Variants in COBLL1 observed in about 807,000 individuals in gnomAD.
The protein encoded by COBLL1 is cordon-bleu WH2 repeat protein like 1.
Under a neutral mutation model 94.8 loss-of-function variants are expected in COBLL1, and 50 were observed. That is an observed-to-expected ratio of 0.53 (90% CI 0.42 to 0.67). COBLL1 has a LOEUF of 0.67. COBLL1 is among the 30% of genes least tolerant of loss of function. COBLL1 has a pLI of 0.00. For missense variants in COBLL1, 1,362 were observed against 1,348.7 expected (o/e 1.01, Z -0.15); for synonymous variants, 448 against 473.8 (o/e 0.95, Z 0.71).
chr2:164,773,819 G>A (rs1688330686), intron 2 of COBLL1: 1 of 1,161,028 alleles, frequency 8.6e-7, no homozygotes, highest in East Asian at 6.5e-5. Context: ...TATCATGTAT[G>A]TGTAAGCGCC....
At chr2:164,812,723 A>C (rs939805006) in intron 2 of COBLL1, among the ~76,000 whole-genome samples, 3 of 152,082 alleles carry the variant, frequency 2.0e-5, no homozygotes, top group African/African-American at 7.2e-5. Context: ...AATGCCTAGC[A>C]TATATTAGAG....
intron 2 of COBLL1, among the ~76,000 whole-genome samples, chr2:164,829,679 T>C (rs1354556014): frequency 1.3e-5 from 2 of 152,108 alleles, no homozygotes; most frequent in Non-Finnish European, 1.5e-5. Flanking sequence ...AAATGAAATA[T>C]CAAATTGTAT....
At chr2:164,665,476 AAG>A (rs1691144545) in intron 2 of COBLL1, among the ~76,000 whole-genome samples, 1 of 151,986 alleles carries the variant, frequency 6.6e-6, no homozygotes, top group Non-Finnish European at 1.5e-5. Context: ...AAAAAAAAAA[AAG>A]ACATGGCATA....
intron 3 of COBLL1, among the ~76,000 whole-genome samples, chr2:164,742,923 T>C (rs1239430098): frequency 1.3e-5 from 2 of 152,106 alleles, no homozygotes; most frequent in Non-Finnish European, 2.9e-5. Context: ...ACAGGATTCC[T>C]GATAACAAAT....
chr2:164,684,633 T>G lies in COBLL1; in HGVS notation c.*1313A>C, dbSNP rs1360708903. 6.6e-6 allele frequency: 1 copy of G among 152,122 alleles called. No individual in the cohort carries two copies. Among genetic ancestry groups the G allele is most frequent in the Non-Finnish European group, 1.5e-5 (1 of 67,988 alleles). The allele number at this position is 152,122 out of a possible 1,614,324, so 9.4% of individuals were successfully genotyped here. A position where few individuals can be genotyped will look rare whatever the true frequency, so the allele number is the denominator to read the frequency against. The stretch of plus-strand genomic sequence containing the variant: ...AGAATGCCAGGGCTTAAATGTACAC[T>G]AGGGATCCCTGATAAATGGTAAATC... On this transcript the variant is annotated 3_prime_UTR_variant, in exon 14 of 14. Transcript: ENST00000652658.
Position 164,671,544 on chromosome 2 carries a change from A to G in COBLL1, n.127-5643T>C, listed in dbSNP as rs535521945. Among the ~76,000 whole-genome samples the G allele has an allele frequency of 2.0e-5, 3 of 152,340 alleles. No individual in the cohort carries two copies. The South Asian group carries it at 6.2e-4, about 32-fold the overall frequency. On this transcript the variant is annotated intron_variant and non_coding_transcript_variant, in intron 1 of 2. Coordinates refer to the COBLL1 transcript ENST00000495084. ...TGAGGTCTCTGGAAAGGTGATAACC[A>G]GTTCCATGACCCATCCCTAAGGCTC... is the stretch of plus-strand genomic sequence containing the variant.
intron 2 of COBLL1, among the ~76,000 whole-genome samples, chr2:164,749,218 A>G (rs887602188): frequency 8.5e-5 from 13 of 152,170 alleles, no homozygotes; most frequent in Admixed American, 3.3e-4. Flanking sequence ...CTCAACTCCA[A>G]TGGGCTCTCA....
intron 3 of COBLL1, among the ~76,000 whole-genome samples, chr2:164,732,784 G>A (rs970737960): frequency 4.6e-5 from 7 of 152,112 alleles, no homozygotes; most frequent in African/African-American, 1.4e-4. Context: ...GGCCGGGTGC[G>A]GTGGCTCACG....
At chr2:164,693,116 T>C (rs749797352) in intron 12 of COBLL1, among the ~76,000 whole-genome samples, 3 of 152,136 alleles carry the variant, frequency 2.0e-5, no homozygotes, top group Non-Finnish European at 2.9e-5. Context: ...TACGTATCTT[T>C]ACCAAAAAAT....
rs775300742 is a variant in COBLL1, at chr2:164,722,205, G to A, written c.866C>T (p.Ala289Val). Reference protein sequence around the residue: ...PYISNTLPSDAPKKRRAPLPP... With the variant: ...PYISNTLPSDVPKKRRAPLPP... The stretch of plus-strand genomic sequence containing the variant: ...CAGTGGAGCCCGCCTCTTCTTGGGT[G>A]CATCCGACGGCAGGGTGTTGGAAAT... Residue 289 changes from alanine (A) to valine (V), a missense_variant, in exon 7 of 14, where the codon GCA (alanine) becomes GTA (valine). Physicochemically the swap from Ala to Val is moderately conservative, Grantham distance 64. Coordinates refer to ENST00000652658, the MANE Select transcript of COBLL1 (RefSeq NM_001365672.2). 2.2e-5 allele frequency: 36 copies of A among 1,613,980 alleles called. No individual in the cohort carries two copies. Among genetic ancestry groups the A allele is most frequent in the Non-Finnish European group, 3.1e-5 (36 of 1,180,006 alleles).
rs187831208 is a variant in COBLL1, at chr2:164,775,083, C to G, written c.42-31208G>C. Among the ~76,000 whole-genome samples the G allele has an allele frequency of 1.9e-3, 291 of 151,872 alleles. 1 individual carries two copies. The highest frequency in any genetic ancestry group is 2.9e-3 in the Non-Finnish European group (199 of 67,964). On this transcript the variant is annotated intron_variant, in intron 2 of 13. Coordinates refer to ENST00000652658, the MANE Select transcript of COBLL1 (RefSeq NM_001365672.2). ...AGGTAGGAAAATTGCTTAAGCCCAG[C>G]AGTTTGAGGTTGCAGTGAGCTGAGA...
intron 7 of COBLL1, among the ~76,000 whole-genome samples, chr2:164,721,236 A>G (rs1117983): frequency 0.46 from 69,400 of 151,924 alleles, 16,088 homozygotes; most frequent in African/African-American, 0.54. Flanking sequence ...AAAACTTCTC[A>G]GTGTCTCAAT....
At chr2:164,774,865 CAAAA>C (rs34127217) in intron 2 of COBLL1, among the ~76,000 whole-genome samples, 3 of 130,194 alleles carry the variant, frequency 2.3e-5, no homozygotes, top group Admixed American at 7.9e-5. Flanking sequence ...TCACTTTTTT[CAAAA>C]AAAAAAAAAA....
At chr2:164,686,661 T>C (rs1164829769) in intron 13 of COBLL1, among the ~76,000 whole-genome samples, 2 of 152,156 alleles carry the variant, frequency 1.3e-5, no homozygotes, top group Non-Finnish European at 2.9e-5. Flanking sequence ...AGTCTTCTAT[T>C]CACAAACTAT....
chr2:164,818,715 GTATA>G (rs56878856), intron 2 of COBLL1, among the ~76,000 whole-genome samples: 7 of 146,618 alleles, frequency 4.8e-5, no homozygotes, highest in Non-Finnish European at 7.5e-5. Flanking sequence ...AACATATATA[GTATA>G]TATATATGTA....
At chr2:164,701,774 T>A (rs372725863) in intron 9 of COBLL1, among the ~76,000 whole-genome samples, 3 of 152,104 alleles carry the variant, frequency 2.0e-5, no homozygotes, top group African/African-American at 7.2e-5. Flanking sequence ...AGATTAGCCA[T>A]GGAAGTAAAT....
At chr2:164,805,695 G>C (rs1397791544) in intron 2 of COBLL1, among the ~76,000 whole-genome samples, 1 of 151,846 alleles carries the variant, frequency 6.6e-6, no homozygotes, top group Admixed American at 6.6e-5. Flanking sequence ...ATATTTCATT[G>C]TATGGGTATA....
At chr2:164,739,798 C>T (rs1686500046) in intron 3 of COBLL1, among the ~76,000 whole-genome samples, 1 of 152,116 alleles carries the variant, frequency 6.6e-6, no homozygotes, top group Non-Finnish European at 1.5e-5. Flanking sequence ...TGAGTCTTCC[C>T]ATTAGGTAGT....
Position 164,685,984 on chromosome 2 carries a change from T to G in COBLL1, c.3349A>C (p.Ser1117Arg), listed in dbSNP as rs138882015. The change falls in exon 14 of 14, where the codon AGC becomes CGC. Residue 1117 changes from serine (S) to arginine (R), a missense_variant. Physicochemically the swap from Ser to Arg is moderately radical, Grantham distance 110. Coordinates refer to ENST00000652658, the MANE Select transcript of COBLL1 (RefSeq NM_001365672.2). The part of the protein sequence containing the change: ...TISVNGRSRL[S>R]HSMSPDAQDG... The stretch of plus-strand genomic sequence containing the variant: ...TGGGCATCAGGGGACATGGAATGGC[T>G]GAGTCTTGACCTTCCATTCACAGAT... 1.6e-5 allele frequency: 26 copies of G among 1,610,636 alleles called. No individual in the cohort carries two copies. The African/African-American group carries it at 3.5e-4, about 22-fold the overall frequency.
Sources: allele counts gnomAD v4.1 joint callset (sites outside exome capture counted in the v4.1 genomes callset), GRCh38; gene constraint gnomAD v4.1.1; transcripts MANE v1.5; gene names NCBI Gene and HGNC (gene_info 2026-07-23, HGNC 2026-07-21).